KCNN2: variants seen among roughly 807,000 people sequenced by gnomAD.
KCNN2 encodes potassium calcium-activated channel subfamily N member 2.
In KCNN2, 24 loss-of-function variants were observed where a neutral mutation model predicts 55.5. The ratio of observed to expected loss-of-function variants is 0.43; its 90% CI spans 0.31 to 0.61. The LOEUF (loss-of-function observed/expected upper bound fraction) is 0.61. Ranked by LOEUF, KCNN2 falls within the 20% of genes least tolerant of loss-of-function variation. The pLI is 0.08. For missense variants in KCNN2, 754 were observed against 853.6 expected (o/e 0.88, Z 1.45); for synonymous variants, 431 against 336.1 (o/e 1.28, Z -3.09).
intron 2 of KCNN2, among the ~76,000 whole-genome samples, chr5:114,303,758 A>G (rs1756213995): frequency 6.6e-6 from 1 of 152,202 alleles, no homozygotes; most frequent in African/African-American, 2.4e-5. Context: ...TGGCAAGACA[A>G]TAGAAATTAG....
chr5:114,434,341 T>G (rs1759926791), intron 3 of KCNN2, among the ~76,000 whole-genome samples: 1 of 152,208 alleles, frequency 6.6e-6, no homozygotes. Context: ...TTTCTTACAA[T>G]TTCTATCTCT....
chr5:114,327,189 C>T (rs1050865980), intron 2 of KCNN2, among the ~76,000 whole-genome samples: 11 of 152,232 alleles, frequency 7.2e-5, no homozygotes, highest in African/African-American at 2.4e-4. Flanking sequence ...CAGGACTTAC[C>T]CTGCAAGACA....
rs563132569 is a variant in KCNN2 at position 114,240,847 on chromosome 5, A to G, written c.-185+19282A>G. ...TAATGAGGCAAAAATATTTTTATAGATCTTTGAAAAATTAGTATAAATATG... is the reference window on the plus strand; with the variant it reads ...TAATGAGGCAAAAATATTTTTATAGGTCTTTGAAAAATTAGTATAAATATG... On this transcript the variant is annotated intron_variant, in intron 2 of 10. Coordinates refer to the KCNN2 transcript ENST00000512097. Among the ~76,000 whole-genome samples, 14 of 152,288 alleles carry G rather than the reference A, an allele frequency of 9.2e-5. 1 individual carries two copies. The South Asian group carries it at 2.5e-3, about 27-fold the overall frequency.
At chr5:114,121,995 C>T (rs1000005016) in intron 1 of KCNN2, among the ~76,000 whole-genome samples, 7 of 152,174 alleles carry the variant, frequency 4.6e-5, no homozygotes, top group East Asian at 1.9e-4. Flanking sequence ...GTAAATTTAA[C>T]ACAATCAAAG....
intron 1 of KCNN2, among the ~76,000 whole-genome samples, chr5:114,198,847 C>A (rs1036086892): frequency 2.0e-5 from 3 of 152,078 alleles, no homozygotes; most frequent in South Asian, 4.1e-4. Flanking sequence ...TGTAGCCTAA[C>A]GTGTGGTCTG....
chr5:114,244,552 G>A (rs1024141170), intron 2 of KCNN2, among the ~76,000 whole-genome samples: 24 of 151,804 alleles, frequency 1.6e-4, no homozygotes, highest in East Asian at 3.9e-4. Flanking sequence ...AGCCGAGATC[G>A]CGCCATTGCA....
At chr5:114,259,769 A>G (rs1233015044) in intron 2 of KCNN2, among the ~76,000 whole-genome samples, 1 of 152,154 alleles carries the variant, frequency 6.6e-6, no homozygotes, top group Non-Finnish European at 1.5e-5. Context: ...CTGGATTTCT[A>G]GCCCGTCTCT....
chr5:114,065,101 G>A (rs1340386300), intron 1 of KCNN2, among the ~76,000 whole-genome samples: 1 of 152,180 alleles, frequency 6.6e-6, no homozygotes, highest in Non-Finnish European at 1.5e-5. Flanking sequence ...AGTGAGTGGT[G>A]TCACTTGTAG....
chr5:114,376,188 T>C (rs13160034), intron 2 of KCNN2, among the ~76,000 whole-genome samples: 17,705 of 152,042 alleles, frequency 0.12, 1,270 homozygotes, highest in South Asian at 0.2. Context: ...ACAGATTGCT[T>C]CAGTGGCAGC....
intron 1 of KCNN2, among the ~76,000 whole-genome samples, chr5:114,172,517 T>G (rs1028730550): frequency 3.2e-4 from 48 of 151,288 alleles, no homozygotes; most frequent in African/African-American, 1.2e-3. Flanking sequence ...TAGAAAACAT[T>G]TACTGTGTGT....
intron 2 of KCNN2, among the ~76,000 whole-genome samples, chr5:114,238,642 G>T (rs1021341647): frequency 4.6e-5 from 7 of 151,384 alleles, no homozygotes; most frequent in Non-Finnish European, 8.8e-5. Context: ...AAAAAAAAAG[G>T]ATTATTGTTC....
At chr5:114,220,591 G>A (rs1372309949) in intron 1 of KCNN2, among the ~76,000 whole-genome samples, 2 of 152,022 alleles carry the variant, frequency 1.3e-5, no homozygotes, top group East Asian at 3.9e-4. Flanking sequence ...AGACAAATGA[G>A]ACTTAATACG....
chr5:114,466,693 G>C (rs970252770), intron 4 of KCNN2, among the ~76,000 whole-genome samples: 1 of 151,864 alleles, frequency 6.6e-6, no homozygotes, highest in African/African-American at 2.4e-5. Context: ...TGGATGACTG[G>C]ATTTTTTGGT....
intron 1 of KCNN2, among the ~76,000 whole-genome samples, chr5:114,113,297 G>A (rs576261783): frequency 8.6e-5 from 13 of 151,962 alleles, no homozygotes; most frequent in African/African-American, 2.9e-4. Context: ...ATGAAATAAT[G>A]TTTCATATAA....
At chr5:114,070,814 C>A (rs1580482687) in intron 1 of KCNN2, among the ~76,000 whole-genome samples, 1 of 152,166 alleles carries the variant, frequency 6.6e-6, no homozygotes, top group Non-Finnish European at 1.5e-5. Flanking sequence ...GGTTACCAGA[C>A]CTCTCTAAAC....
chr5:114,118,607 G>A (rs368081462), intron 1 of KCNN2, among the ~76,000 whole-genome samples: 20 of 151,950 alleles, frequency 1.3e-4, no homozygotes, highest in African/African-American at 4.8e-4. Context: ...ACTGAATGAT[G>A]CCCACCCACA....
intron 4 of KCNN2, among the ~76,000 whole-genome samples, chr5:114,470,029 T>C (rs1443317028): frequency 2.0e-5 from 3 of 152,190 alleles, no homozygotes; most frequent in African/African-American, 7.2e-5. Flanking sequence ...AATTACTAAA[T>C]GATTGGATTA....
chr5:114,318,450 T>C (rs2150028472), intron 2 of KCNN2, among the ~76,000 whole-genome samples: 1 of 152,192 alleles, frequency 6.6e-6, no homozygotes, highest in East Asian at 1.9e-4. Flanking sequence ...TTAAGGTATG[T>C]ATTTATAACC....
chr5:114,219,713 GT>G (rs1167186642), intron 1 of KCNN2, among the ~76,000 whole-genome samples: 1 of 152,008 alleles, frequency 6.6e-6, no homozygotes, highest in Admixed American at 6.6e-5. Context: ...GTGGTTGCAG[GT>G]TTTTTGGCTT....
Sources: gnomAD v4.1 joint callset for allele counts (sites outside exome capture counted in the v4.1 genomes callset) on GRCh38, gnomAD v4.1.1 for gene constraint, MANE v1.5 for transcripts, NCBI Gene and HGNC (gene_info 2026-07-23, HGNC 2026-07-21) for gene names.